The following EBF1 variants were observed in gnomAD, a reference collection of about 807,000 sequenced individuals.
The protein encoded by EBF1 is transcription factor COE1.
Under a neutral mutation model 68.4 loss-of-function variants are expected in EBF1, and 10 were observed. The observed-to-expected ratio is 0.15, with a 90% CI of 0.09 to 0.25. EBF1 has a LOEUF of 0.25. Among genes scored for constraint, EBF1 ranks in the 10% least tolerant of loss-of-function variants. The probability of loss-of-function intolerance (pLI) is 1.00; values close to 1 mark genes in which losing one functional copy is unlikely to be tolerated. For missense variants in EBF1, 509 were observed against 794.4 expected, an observed-to-expected ratio of 0.64 and a Z score of 4.32; for synonymous variants, 298 against 299.8, an observed-to-expected ratio of 0.99 and a Z score of 0.06.
intron 6 of EBF1, among the ~76,000 whole-genome samples, chr5:158,882,675 T>C (rs10054046): frequency 0.85 from 130,122 of 152,250 alleles, 55,917 homozygotes; most frequent in East Asian, 0.96. Flanking sequence ...AAAGTAATGG[T>C]CAACAACTCA....
intron 6 of EBF1, among the ~76,000 whole-genome samples, chr5:158,924,370 TA>T (rs1809119773): frequency 6.6e-6 from 1 of 152,108 alleles, no homozygotes; most frequent in Non-Finnish European, 1.5e-5. Flanking sequence ...AGCCACATCG[TA>T]AGGTCCTGGC....
intron 6 of EBF1, among the ~76,000 whole-genome samples, chr5:159,012,298 G>A (rs1305069390): frequency 6.7e-6 from 1 of 150,010 alleles, no homozygotes; most frequent in Non-Finnish European, 1.5e-5. Flanking sequence ...AAAAAAAAAA[G>A]AAAAAAGAAA....
chr5:158,817,702 A>G (rs1194317123), intron 8 of EBF1, among the ~76,000 whole-genome samples: 1 of 152,146 alleles, frequency 6.6e-6, no homozygotes, highest in East Asian at 1.9e-4. Context: ...CTTCCCTGAC[A>G]CTTCATTACT....
At chr5:158,959,173 C>T (rs11135050) in intron 6 of EBF1, among the ~76,000 whole-genome samples, 2 of 151,986 alleles carry the variant, frequency 1.3e-5, no homozygotes, top group Non-Finnish European at 2.9e-5. Context: ...ATTGTAATAA[C>T]CATTTGCCCA....
intron 6 of EBF1, among the ~76,000 whole-genome samples, chr5:158,971,648 A>C (rs1005307434): frequency 6.6e-6 from 1 of 152,150 alleles, no homozygotes; most frequent in African/African-American, 2.4e-5. Flanking sequence ...GGAAATTGTC[A>C]AGGAGATGAC....
chr5:158,808,963 C>G (rs371482377), intron 8 of EBF1, among the ~76,000 whole-genome samples: 6 of 152,126 alleles, frequency 3.9e-5, no homozygotes, highest in East Asian at 1.9e-4. Flanking sequence ...AAACACTAAC[C>G]CTTTAGTGAA....
intron 6 of EBF1, among the ~76,000 whole-genome samples, chr5:159,015,758 A>G (rs1406522646): frequency 6.6e-6 from 1 of 152,156 alleles, no homozygotes; most frequent in Admixed American, 6.5e-5. Flanking sequence ...TTTGTGTCCA[A>G]CCACCTGGAG....
chr5:158,982,482 C>T (rs1716382273), intron 6 of EBF1, among the ~76,000 whole-genome samples: 1 of 152,178 alleles, frequency 6.6e-6, no homozygotes, highest in Admixed American at 6.5e-5. Context: ...TACCTGAGGG[C>T]CATAACTTTT....
intron 6 of EBF1, among the ~76,000 whole-genome samples, chr5:158,972,396 A>T (rs1460865319): frequency 1.3e-5 from 2 of 152,226 alleles, no homozygotes; most frequent in African/African-American, 4.8e-5. Flanking sequence ...CAAAGCGGAT[A>T]GATGTTTAAT....
At chr5:159,021,022 G>A (rs1324127330) in intron 6 of EBF1, among the ~76,000 whole-genome samples, 3 of 152,216 alleles carry the variant, frequency 2.0e-5, no homozygotes, top group Non-Finnish European at 1.5e-5. Context: ...GCTCCGGGGT[G>A]TGTTTCAGTC....
intron 7 of EBF1, among the ~76,000 whole-genome samples, chr5:158,825,288 T>C (rs1258301072): frequency 6.6e-6 from 1 of 152,232 alleles, no homozygotes; most frequent in African/African-American, 2.4e-5. Flanking sequence ...AATTCACTTT[T>C]CTTTTTAGAG....
chr5:158,971,328 CTGTG>C (rs1394134991), intron 6 of EBF1, among the ~76,000 whole-genome samples: 1 of 152,206 alleles, frequency 6.6e-6, no homozygotes, highest in Non-Finnish European at 1.5e-5. Context: ...AATTCCGGCA[CTGTG>C]TGGCCAGCCC....
chr5:158,855,413 C>T (rs1793781107), intron 6 of EBF1, among the ~76,000 whole-genome samples: 1 of 152,216 alleles, frequency 6.6e-6, no homozygotes, highest in South Asian at 2.1e-4. Flanking sequence ...GTGACATGGT[C>T]AGGGTCACCC....
intron 6 of EBF1, among the ~76,000 whole-genome samples, chr5:158,858,889 G>T (rs544681456): frequency 6.6e-6 from 1 of 152,248 alleles, no homozygotes; most frequent in Non-Finnish European, 1.5e-5. Flanking sequence ...GGTCAGGGGT[G>T]GGGCCGGGTG....
chr5:158,803,085 CTT>C (rs2127766792), intron 8 of EBF1, among the ~76,000 whole-genome samples: 1 of 152,150 alleles, frequency 6.6e-6, no homozygotes, highest in African/African-American at 2.4e-5. Flanking sequence ...TAATGGGAAA[CTT>C]TTCAGAAATG....
chr5:158,726,846 G>C (rs534344425), intron 11 of EBF1, among the ~76,000 whole-genome samples: 5 of 152,318 alleles, frequency 3.3e-5, no homozygotes, highest in Admixed American at 2.6e-4. Flanking sequence ...TAGTTTTCCC[G>C]CGTGCTAGCT....
intron 6 of EBF1, among the ~76,000 whole-genome samples, chr5:158,862,101 C>T (rs1324106235): frequency 2.6e-5 from 4 of 152,044 alleles, no homozygotes; most frequent in Non-Finnish European, 5.9e-5. Context: ...CCTTGGTGAA[C>T]ATTCTTGTAT....
chr5:158,737,314 C>T (rs1217705596), intron 10 of EBF1, among the ~76,000 whole-genome samples: 9 of 116,356 alleles, frequency 7.7e-5, no homozygotes, highest in Admixed American at 3.6e-4. Flanking sequence ...GACGGAGTCT[C>T]GCTCCGTCGC....
intron 5 of EBF1, among the ~76,000 whole-genome samples, chr5:159,080,819 C>T (rs1338454507): frequency 6.6e-6 from 1 of 152,208 alleles, no homozygotes; most frequent in Non-Finnish European, 1.5e-5. Flanking sequence ...CCAGTAACTT[C>T]CTTGCCTTCA....
Sources: gnomAD v4.1 joint callset for allele counts (sites outside exome capture counted in the v4.1 genomes callset) on GRCh38, gnomAD v4.1.1 for gene constraint, MANE v1.5 for transcripts, NCBI Gene and HGNC (gene_info 2026-07-23, HGNC 2026-07-21) for gene names.